The following ABCA7 variants were observed in gnomAD, a reference collection of about 807,000 sequenced individuals.
ABCA7 encodes phospholipid-transporting ATPase ABCA7.
A neutral mutation model predicts 227.6 loss-of-function variants in ABCA7; 261 were observed. The observed-to-expected ratio is 1.15, with a 90% CI of 1.04 to 1.27. The LOEUF (loss-of-function observed/expected upper bound fraction) is 1.27, where lower values mean the gene tolerates loss of function less well. Among genes scored for constraint, ABCA7 ranks in the 50% most tolerant of loss-of-function variants. The pLI is 0.00. For synonymous variants in ABCA7, 1,488 were observed against 1,279.7 expected (o/e 1.16, Z -3.47); for missense variants, 3,331 against 2,924.5 (o/e 1.14, Z -3.21).
intron 10 of ABCA7, 145 bp from the exon 11 acceptor site, chr19:1,044,432 G>T: frequency 1.1e-6 from 1 of 899,868 alleles, no homozygotes; most frequent in Non-Finnish European, 1.6e-6. Context: ...ATTTTTAGTA[G>T]AGATGGGCTT....
intron 37 of ABCA7, 124 bp from the exon 38 acceptor site, chr19:1,058,494 A>G (rs2042436269): frequency 2.7e-6 from 4 of 1,483,444 alleles, no homozygotes; most frequent in Non-Finnish European, 2.7e-6. Context: ...TGCCAATTAG[A>G]CTCCAGCTGA....
rs747414614 is a variant in ABCA7, at chr19:1,055,340, G to A, written c.4194G>A (p.Leu1398=). 3 of 1,586,034 alleles carry A rather than the reference G, an allele frequency of 1.9e-6. No individual in the cohort carries two copies. The highest frequency in any genetic ancestry group is 1.1e-5 in the South Asian group (1 of 89,588). The change falls in exon 30 of 47, where the codon CTG becomes CTA. Residue 1398 remains leucine (L), a synonymous_variant. Transcript: ENST00000263094. ...TCCTGGTCAAGACCTACCCGCGCCT[G>A]GTGCGCCAGGGGTGAGCCATGCCCT... ...SDFLVKTYPR[L]VRQGLKTKKW...
chr19:1,040,912 G>T (rs1162221173), intron 1 of ABCA7, among the ~76,000 whole-genome samples: 2 of 152,102 alleles, frequency 1.3e-5, no homozygotes, highest in Non-Finnish European at 2.9e-5. Context: ...TGTTATCTTC[G>T]GAGAACAGTG....
rs1394138724 is a variant in ABCA7 at position 1,064,189 on chromosome 19, C to G, written c.5980C>G (p.Arg1994Gly). ...GGAGGAGTGTGAAGCGCTCTGCTCG[C>G]GCCTGGCCATCATGGTGAATGGGCG... ...SMEECEALCS[R>G]LAIMVNGRFR... is the part of the protein sequence containing the mutation. Residue 1994 changes from arginine to glycine, a missense_variant, in exon 45 of 47, where the codon CGC (arginine) becomes GGC (glycine). Physicochemically the swap from Arg to Gly is moderately radical, Grantham distance 125. Transcript: ENST00000263094. The G allele has an allele frequency of 6.3e-7, 1 of 1,580,450 alleles. No homozygotes were observed. The highest frequency in any genetic ancestry group is 1.2e-5 in the South Asian group (1 of 86,632).
At chr19:1,051,836 T>A in intron 21 of ABCA7, 106 bp from the exon 22 acceptor site, 1 of 1,433,082 alleles carries the variant, frequency 7.0e-7, no homozygotes, top group Non-Finnish European at 9.5e-7. Flanking sequence ...TTTTGAGGGA[T>A]GAATAGGAGT....
rs146894513 is a variant in ABCA7 at position 1,053,812 on chromosome 19, T to A, written c.3448T>A (p.Cys1150Ser). The A allele has an allele frequency of 2.0e-5, 33 of 1,611,588 alleles. 1 individual carries two copies. In the South Asian group the frequency reaches 3.5e-4, roughly 17 times the overall value. ...EEIFLKVVEE[C>S]AADTDMEDGS... is the part of the protein sequence containing the mutation. Reference sequence around the variant, plus strand: ...GATCTTCCTGAAGGTGGTGGAGGAGTGTGCTGCGGACACAGATATGGAGGG... The same window carrying A: ...GATCTTCCTGAAGGTGGTGGAGGAGAGTGCTGCGGACACAGATATGGAGGG... Residue 1150 changes from cysteine (C) to serine (S), a missense_variant, in exon 25 of 47, where the codon TGT (cysteine) becomes AGT (serine). Cys to Ser is a moderately radical substitution (Grantham distance 112). Coordinates refer to ENST00000263094, the MANE Select transcript of ABCA7 (RefSeq NM_019112.4).
intron 6 of ABCA7, 137 bp downstream of exon 6, chr19:1,042,534 G>C (rs778251252): frequency 8.5e-7 from 1 of 1,177,188 alleles, no homozygotes; most frequent in East Asian, 2.5e-5. Context: ...GATGCTGCTT[G>C]TCCGTCTGGG....
chr19:1,051,249 G>T lies in ABCA7; in HGVS notation c.2779G>T (p.Val927Leu), dbSNP rs1180324140. 14 of 1,609,318 alleles carry T rather than the reference G, an allele frequency of 8.7e-6. 1 individual carries two copies. In the African/African-American group the frequency reaches 1.7e-4, roughly 20 times the overall value. ...CGAGCAGGACCGTCTGCTGCAGGAT[G>T]TGGGGCTGGTCTCCAAGCAGAGTGT... is the stretch of plus-strand genomic sequence containing the variant. ...GPEQDRLLQDVGLVSKQSVQT... is the reference protein window; with the variant it reads ...GPEQDRLLQDLGLVSKQSVQT... The change falls in exon 20 of 47, where the codon GTG becomes TTG. Residue 927 changes from valine (V) to leucine (L), a missense_variant. Transcript: ENST00000263094.
chr19:1,060,998 G>C (rs1187421386), intron 40 of ABCA7, among the ~76,000 whole-genome samples: 1 of 152,132 alleles, frequency 6.6e-6, no homozygotes, highest in Non-Finnish European at 1.5e-5. Flanking sequence ...TGTGCCAAAA[G>C]CCATTCCCTG....
In ABCA7 at chr19:1,049,330, C is replaced by G; in HGVS notation, c.2445C>G (p.Arg815=). 2 of 1,611,690 alleles carry G rather than the reference C, an allele frequency of 1.2e-6. No individual in the cohort carries two copies. Among genetic ancestry groups the G allele is most frequent in the Non-Finnish European group, 1.7e-6 (2 of 1,179,286 alleles). ...TCTCCGTTCGCAGCCTGGAGAAGCG[C>G]TTTCCTGGAAGCCCGCAGCCAGCCC... ...PGVSVRSLEK[R]FPGSPQPALR... Residue 815 remains arginine, a synonymous_variant, in exon 18 of 47, where the codon CGC becomes CGG. Coordinates refer to ENST00000263094, the MANE Select transcript of ABCA7 (RefSeq NM_019112.4).
intron 23 of ABCA7, 71 bp downstream of exon 23, chr19:1,052,357 A>C: frequency 4.4e-6 from 1 of 227,054 alleles, no homozygotes; most frequent in Non-Finnish European, 6.9e-6. Context: ...GAGGAGGAGG[A>C]GGGGGAGGGG....
intron 30 of ABCA7, 113 bp downstream of exon 30, chr19:1,055,464 C>A: frequency 1.7e-6 from 2 of 1,188,378 alleles, no homozygotes; most frequent in Non-Finnish European, 2.3e-6. Flanking sequence ...CAGCTTGGGG[C>A]TACGGGCTGG....
chr19:1,048,508 AAC>A (rs1293361284), intron 16 of ABCA7, among the ~76,000 whole-genome samples: 2,345 of 110,752 alleles, frequency 0.021, 676 homozygotes, highest in African/African-American at 0.07. Flanking sequence ...AAAAAAAAAA[AAC>A]AAAAAAAAAA....
At position 1,051,594 on chromosome 19, in the gene ABCA7, C is replaced by G. The variant is rs1461126570; in HGVS notation, c.2962+8C>G. On this transcript the variant is annotated splice_region_variant and intron_variant, in intron 21 of 46. Coordinates refer to ENST00000263094, the MANE Select transcript of ABCA7 (RefSeq NM_019112.4). ...TGCTCAAATACCGAGAAGGTAAGAGCTGGGGATTCTGCTCGAGGGGCCAGA... is the reference window on the plus strand; with the variant it reads ...TGCTCAAATACCGAGAAGGTAAGAGGTGGGGATTCTGCTCGAGGGGCCAGA... 1.9e-6 allele frequency: 3 copies of G among 1,607,034 alleles called. No individual in the cohort carries two copies. Among genetic ancestry groups the G allele is most frequent in the Admixed American group, 1.7e-5 (1 of 59,594 alleles).
chr19:1,044,999 C>T lies in ABCA7; in HGVS notation c.1216-3C>T, dbSNP rs879085197. The T allele has an allele frequency of 1.9e-6, 3 of 1,612,432 alleles. No individual in the cohort carries two copies. The highest frequency in any genetic ancestry group is 2.2e-5 in the South Asian group (2 of 91,068). On this transcript the variant is annotated splice_region_variant and splice_polypyrimidine_tract_variant and intron_variant, in intron 11 of 46. Coordinates refer to ENST00000263094, the MANE Select transcript of ABCA7 (RefSeq NM_019112.4). ...GCCTAGGACTCACCCCCGCATCCCA[C>T]AGTGCCTGTCCTTGGACAAGCTGGA...
chr19:1,051,468 G>A lies in ABCA7; in HGVS notation c.2844G>A (p.Leu948=). 1 of 1,612,502 alleles carries A rather than the reference G, an allele frequency of 6.2e-7. No individual in the cohort carries two copies. The highest frequency in any genetic ancestry group is 2.2e-5 in the East Asian group (1 of 44,884). The change falls in exon 21 of 47, where the codon CTG becomes CTA. Residue 948 remains leucine, a synonymous_variant. Transcript: ENST00000263094. ...RHLSGGMQRK[L]SVAIAFVGGS... ...TACCAGGTGGGATGCAACGGAAGCT[G>A]TCCGTGGCCATTGCCTTTGTGGGCG... is the stretch of plus-strand genomic sequence containing the variant.
rs1318156998 is a variant in ABCA7, at chr19:1,057,429, G to A, written c.4880G>A (p.Gly1627Asp). Reference sequence around the variant, plus strand: ...CTCCTGCTGTTGCTACTACTGTATGGGTGAGGCCCCCAGTCCCTCAGGGCC... The same window carrying A: ...CTCCTGCTGTTGCTACTACTGTATGAGTGAGGCCCCCAGTCCCTCAGGGCC... ...PALLLLLLLYGWSITPLMYPA... is the reference protein window; with the variant it reads ...PALLLLLLLYDWSITPLMYPA... The change falls in exon 35 of 47, where the codon GGC becomes GAC. Residue 1627 changes from glycine to aspartate, a missense_variant and splice_region_variant. By Grantham distance (94) the Gly-to-Asp change is moderately conservative (BLOSUM62 -1). Transcript: ENST00000263094. 1 of 1,613,002 alleles carries A rather than the reference G, an allele frequency of 6.2e-7. No individual in the cohort carries two copies. The highest frequency in any genetic ancestry group is 1.7e-5 in the Admixed American group (1 of 59,998).
Position 1,058,893 on chromosome 19 carries a change from C to A in ABCA7, c.5353C>A (p.Gln1785Lys), listed in dbSNP as rs2144927213. 6.3e-7 allele frequency: 1 copy of A among 1,585,586 alleles called. No individual in the cohort carries two copies. The highest frequency in any genetic ancestry group is 1.1e-5 in the South Asian group (1 of 87,220). The part of the protein sequence containing the change: ...DVARERERVV[Q>K]GATQGDVLVL... The stretch of plus-strand genomic sequence containing the variant: ...AGCCCGTGAACGGGAGCGGGTGGTC[C>A]AAGGAGCCACCCAGGGGGATGTGTT... The change falls in exon 39 of 47, where the codon CAA becomes AAA. Residue 1785 changes from glutamine (Q) to lysine (K), a missense_variant. Transcript: ENST00000263094.
intron 16 of ABCA7, among the ~76,000 whole-genome samples, chr19:1,048,522 A>C (rs2040977975): frequency 1.4e-5 from 2 of 144,216 alleles, no homozygotes; most frequent in African/African-American, 2.6e-5. Context: ...AAAAAAAAAA[A>C]AACAAGGCCG....
Sources: allele counts gnomAD v4.1 joint callset (sites outside exome capture counted in the v4.1 genomes callset), GRCh38; gene constraint gnomAD v4.1.1; transcripts MANE v1.5; gene names NCBI Gene and HGNC (gene_info 2026-07-23, HGNC 2026-07-21).